The following NRXN3 variants were observed in gnomAD, a reference collection of about 807,000 sequenced individuals.
NRXN3 encodes neurexin 3.
NRXN3 carries 32 observed loss-of-function variants against 137.6 expected under a neutral mutation model. That is an observed-to-expected ratio of 0.23 (90% CI 0.18 to 0.31). The LOEUF (loss-of-function observed/expected upper bound fraction) is 0.31. Ranked by LOEUF, NRXN3 falls within the 10% of genes least tolerant of loss-of-function variation. The pLI is 1.00. For synonymous variants in NRXN3, 798 were observed against 784.5 expected, an observed-to-expected ratio of 1.02 and a Z score of -0.29; for missense variants, 1,574 against 2,062.5, an observed-to-expected ratio of 0.76 and a Z score of 4.59.
chr14:79,140,038 C>T (rs1470417851), intron 15 of NRXN3, among the ~76,000 whole-genome samples: 1 of 151,586 alleles, frequency 6.6e-6, no homozygotes, highest in Non-Finnish European at 1.5e-5. Flanking sequence ...TTATTTTGTT[C>T]ATTTGGAACG....
At chr14:79,185,258 G>A (rs888174233) in intron 15 of NRXN3, among the ~76,000 whole-genome samples, 2 of 152,080 alleles carry the variant, frequency 1.3e-5, no homozygotes, top group African/African-American at 2.4e-5. Flanking sequence ...GTCACTCCAC[G>A]CTCTGAGTTG....
chr14:78,692,918 T>G (rs2098186560), intron 6 of NRXN3, among the ~76,000 whole-genome samples: 1 of 151,820 alleles, frequency 6.6e-6, no homozygotes, highest in South Asian at 2.1e-4. Context: ...CCGTCTCTAC[T>G]AATAATACAA....
At chr14:78,338,758 G>C (rs1364500694) in intron 4 of NRXN3, among the ~76,000 whole-genome samples, 1 of 152,216 alleles carries the variant, frequency 6.6e-6, no homozygotes, top group African/African-American at 2.4e-5. Flanking sequence ...AAAGAAATGA[G>C]AGCAGAATCC....
intron 19 of NRXN3, among the ~76,000 whole-genome samples, chr14:79,796,366 G>T (rs1025421330): frequency 3.3e-5 from 5 of 152,092 alleles, no homozygotes; most frequent in Non-Finnish European, 7.4e-5. Context: ...TTGAAGTTTG[G>T]TTAATCTTCT....
intron 4 of NRXN3, among the ~76,000 whole-genome samples, chr14:78,590,709 T>G (rs1053654240): frequency 2.6e-5 from 4 of 151,198 alleles, no homozygotes; most frequent in Non-Finnish European, 5.9e-5. Flanking sequence ...AGATCAGGAG[T>G]TCAAGACCAT....
intron 19 of NRXN3, among the ~76,000 whole-genome samples, chr14:79,704,459 C>A (rs1192489935): frequency 6.6e-6 from 1 of 152,162 alleles, no homozygotes; most frequent in Non-Finnish European, 1.5e-5. Context: ...CCACCTTTTC[C>A]CTGCTGCCAC....
chr14:79,282,379 A>G (rs1440990288), intron 15 of NRXN3, among the ~76,000 whole-genome samples: 1 of 152,148 alleles, frequency 6.6e-6, no homozygotes, highest in Non-Finnish European at 1.5e-5. Flanking sequence ...ATTACAGGTT[A>G]TGGGTGGCAG....
chr14:78,315,934 T>A (rs1032785789), intron 4 of NRXN3, among the ~76,000 whole-genome samples: 1 of 152,220 alleles, frequency 6.6e-6, no homozygotes, highest in African/African-American at 2.4e-5. Context: ...TCTTAATCTC[T>A]TGTACGCATA....
chr14:78,357,406 G>A (rs772347087), intron 4 of NRXN3, among the ~76,000 whole-genome samples: 1 of 152,178 alleles, frequency 6.6e-6, no homozygotes, highest in East Asian at 1.9e-4. Flanking sequence ...TGTGGGAATT[G>A]TGGGAGTTAC....
At chr14:79,666,868 C>A (rs2098560055) in intron 17 of NRXN3, among the ~76,000 whole-genome samples, 1 of 152,006 alleles carries the variant, frequency 6.6e-6, no homozygotes, top group South Asian at 2.1e-4. Context: ...TCCCATGAAG[C>A]AGCTGAAAGA....
intron 1 of NRXN3, among the ~76,000 whole-genome samples, chr14:78,182,606 A>G (rs1395869650): frequency 6.6e-6 from 1 of 151,866 alleles, no homozygotes; most frequent in Non-Finnish European, 1.5e-5. Flanking sequence ...AGTAGCTGGG[A>G]TTACAGGCAG....
chr14:79,219,322 G>T (rs547653557), intron 15 of NRXN3, among the ~76,000 whole-genome samples: 18 of 152,004 alleles, frequency 1.2e-4, no homozygotes, highest in Admixed American at 5.9e-4. Flanking sequence ...GTAGAGACAG[G>T]GTCTTGCTAT....
chr14:79,591,023 G>A (rs2097798639), intron 16 of NRXN3, among the ~76,000 whole-genome samples: 1 of 152,094 alleles, frequency 6.6e-6, no homozygotes, highest in Admixed American at 6.5e-5. Flanking sequence ...TATCAATGAA[G>A]CAAACAGATA....
intron 16 of NRXN3, among the ~76,000 whole-genome samples, chr14:79,656,157 G>T (rs1326467901): frequency 6.6e-6 from 1 of 152,186 alleles, no homozygotes; most frequent in African/African-American, 2.4e-5. Flanking sequence ...TGAGCACAGG[G>T]CTTAAGGTTT....
chr14:78,901,125 A>G (rs141399048), intron 10 of NRXN3, among the ~76,000 whole-genome samples: 3 of 152,106 alleles, frequency 2.0e-5, no homozygotes, highest in Admixed American at 2.0e-4. Context: ...TGCTCATGAT[A>G]CCTTTAAAAT....
At chr14:78,750,041 T>C (rs2098633601) in intron 8 of NRXN3, among the ~76,000 whole-genome samples, 1 of 152,250 alleles carries the variant, frequency 6.6e-6, no homozygotes, top group African/African-American at 2.4e-5. Context: ...ACAGCACCTC[T>C]GTAAACAGAT....
chr14:78,405,245 G>A (rs896692013), intron 4 of NRXN3, among the ~76,000 whole-genome samples: 10 of 152,046 alleles, frequency 6.6e-5, no homozygotes, highest in African/African-American at 2.4e-4. Context: ...ACTAGCAAAG[G>A]GCAGATAACA....
chr14:79,457,365 A>G (rs1447207552), intron 15 of NRXN3, among the ~76,000 whole-genome samples: 1 of 152,204 alleles, frequency 6.6e-6, no homozygotes, highest in African/African-American at 2.4e-5. Context: ...CTATTTCTAG[A>G]ACTCTATATA....
intron 15 of NRXN3, among the ~76,000 whole-genome samples, chr14:79,396,132 C>T (rs899287945): frequency 5.9e-5 from 9 of 151,820 alleles, no homozygotes; most frequent in African/African-American, 2.2e-4. Context: ...CTATATAATC[C>T]ATTATTTTTA....
Sources: gnomAD v4.1 joint callset for allele counts (sites outside exome capture counted in the v4.1 genomes callset) on GRCh38, gnomAD v4.1.1 for gene constraint, MANE v1.5 for transcripts, NCBI Gene and HGNC (gene_info 2026-07-23, HGNC 2026-07-21) for gene names.